The following ZNF692 variants were observed in gnomAD, a reference collection of about 807,000 sequenced individuals.
The protein encoded by ZNF692 is AICAR responsive element binding protein.
In ZNF692, 41 loss-of-function variants were observed where a neutral mutation model predicts 49.0. That is an observed-to-expected ratio of 0.84 (90% CI 0.65 to 1.08). The LOEUF is 1.08. ZNF692 is among the 50% of genes least tolerant of loss of function. The pLI, the probability that ZNF692 is intolerant of heterozygous loss-of-function variation, is 0.00. For synonymous variants in ZNF692, 288 were observed against 251.5 expected, an observed-to-expected ratio of 1.15 and a Z score of -1.37; for missense variants, 662 against 662.2, an observed-to-expected ratio of 1.00 and a Z score of 0.00.
chr1:248,850,896 G>T, intron 10 of ZNF692, 115 bp from the exon 11 acceptor site: 1 of 910,078 alleles, frequency 1.1e-6, no homozygotes, highest in Non-Finnish European at 1.8e-6. Flanking sequence ...AGGAGGCTCA[G>T]GTTCTAATTA....
Position 248,850,763 on chromosome 1 carries a change from C to A in ZNF692, c.1172G>T (p.Cys391Phe), listed in dbSNP as rs748587754. 2.2e-5 allele frequency: 35 copies of A among 1,614,102 alleles called. No homozygotes were observed. The Admixed American group carries it at 5.8e-4, about 27-fold the overall frequency. The part of the protein sequence containing the change: ...KLHSDTRDYI[C>F]EFCARSFRTS... ...GCGGAAAGACCGGGCGCAGAACTCA[C>A]AGATGTAGTCCCGGGTGTCTGCAGG... Residue 391 changes from cysteine to phenylalanine, a missense_variant, in exon 11 of 12, where the codon TGT becomes TTT. Coordinates refer to ENST00000306601, the MANE Select transcript of ZNF692 (RefSeq NM_017865.4).
At chr1:248,856,085 G>C in intron 6 of ZNF692, 139 bp from the exon 7 acceptor site, 1 of 1,184,618 alleles carries the variant, frequency 8.4e-7, no homozygotes, top group Non-Finnish European at 1.2e-6. Flanking sequence ...ATTCATATCT[G>C]CTTTCAGCCC....
At chr1:248,856,657 T>G in intron 4 of ZNF692, 95 bp from the exon 5 acceptor site, 1 of 1,140,336 alleles carries the variant, frequency 8.8e-7, no homozygotes, top group South Asian at 1.5e-5. Flanking sequence ...GAGACTCCTC[T>G]TTTTTTTTTA....
rs776260687 is a variant in ZNF692 at position 248,855,457 on chromosome 1, T to A, written c.961A>T (p.Lys321Ter). The stretch of plus-strand genomic sequence containing the variant: ...GGCATCAGCTCTCTTTTGGCAGCTT[T>A]CCTGAGGAGAAGAATGGAAAGGAGC... Reference protein sequence around the residue: ...TAQIGPKRIRKAAKRELMPCD... With the variant: ...TAQIGPKRIR Residue 321 changes from lysine to a stop codon, truncating the protein, a stop_gained and splice_region_variant, in exon 9 of 12, where the codon AAA (lysine) becomes TAA (stop). Transcript: ENST00000306601. LOFTEE classifies it high-confidence loss of function. The A allele has an allele frequency of 1.9e-6, 3 of 1,614,174 alleles. No homozygotes were observed.
chr1:248,850,802 C>T (rs1158371122), intron 10 of ZNF692, 21 bp from the exon 11 acceptor site: 1 of 1,610,768 alleles, frequency 6.2e-7, no homozygotes, highest in Non-Finnish European at 8.5e-7. Flanking sequence ...ATGAGGGACA[C>T]TCCAGCATCT....
chr1:248,850,330 C>T lies in ZNF692; in HGVS notation c.1440G>A (p.Glu480=). 1 of 1,613,966 alleles carries T rather than the reference C, an allele frequency of 6.2e-7. No individual in the cohort carries two copies. The highest frequency in any genetic ancestry group is 8.5e-7 in the Non-Finnish European group (1 of 1,179,982). ...AGGGCTCTAGGGGACCACTGGGTGA[C>T]TCTTGAGGGGCTAGAAGCAGGGCTG... ...SHPALLLAPQ[E]SPSGPLEPCP... is the part of the protein sequence containing the mutation. The change falls in exon 12 of 12, where the codon GAG becomes GAA. Residue 480 remains glutamate (E), a synonymous_variant. Transcript: ENST00000306601.
intron 10 of ZNF692, 66 bp downstream of exon 10, chr1:248,853,871 A>C: frequency 3.8e-6 from 5 of 1,299,830 alleles, no homozygotes; most frequent in Non-Finnish European, 5.5e-6. Flanking sequence ...CACAGAGCCC[A>C]GGGTGACGGG....
At position 248,858,459 on chromosome 1, in the gene ZNF692, G is replaced by A. The variant is rs921854066; in HGVS notation, c.-12-138C>T. On this transcript the variant is annotated intron_variant, in intron 1 of 11. Coordinates refer to ENST00000306601, the MANE Select transcript of ZNF692 (RefSeq NM_017865.4). The surrounding 1 kb of genome is among the most constrained non-coding windows in gnomAD (Gnocchi z 4.3). ...AACTATTTCAATAGCAGTGGCAGGT[G>A]TGGAGCCAAACCCCGTCCTTCTATG... is the stretch of plus-strand genomic sequence containing the variant. The A allele has an allele frequency of 1.9e-6, 3 of 1,551,666 alleles. No individual in the cohort carries two copies. Among genetic ancestry groups the A allele is most frequent in the Non-Finnish European group, 2.6e-6 (3 of 1,146,914 alleles).
At chr1:248,855,697 G>C in intron 7 of ZNF692, 28 bp downstream of exon 7, 1 of 1,614,140 alleles carries the variant, frequency 6.2e-7, no homozygotes, top group Non-Finnish European at 8.5e-7. Flanking sequence ...GGACGCCCCT[G>C]CCCTTTCTGT....
chr1:248,855,342 C>G (rs765822120), intron 9 of ZNF692, 38 bp downstream of exon 9: 1 of 1,607,404 alleles, frequency 6.2e-7, no homozygotes, highest in African/African-American at 1.3e-5. Context: ...CTTTCCCCCA[C>G]CCCAGCAGCC....
chr1:248,858,039 G>A lies in ZNF692; in HGVS notation c.179+92C>T. 1.9e-6 allele frequency: 3 copies of A among 1,547,644 alleles called. No homozygotes were observed. The highest frequency in any genetic ancestry group is 2.6e-6 in the Non-Finnish European group (3 of 1,152,142). On this transcript the variant is annotated intron_variant, in intron 2 of 11. Transcript: ENST00000306601. This position sits in a 1 kb window ranked among gnomAD's most constrained non-coding sequence, Gnocchi z 4.3. ...CGTCCTGGTAAAGTGAGAAACCTGAGGGTGGAAAAGAGCAGCAGGACAGGC... is the reference window on the plus strand; with the variant it reads ...CGTCCTGGTAAAGTGAGAAACCTGAAGGTGGAAAAGAGCAGCAGGACAGGC...
intron 3 of ZNF692, 129 bp downstream of exon 3, chr1:248,857,699 C>T (rs1433187567): frequency 1.3e-6 from 2 of 1,495,624 alleles, no homozygotes; most frequent in Non-Finnish European, 1.8e-6. Context: ...CATCAAACTA[C>T]CCTGTGCTCC....
At chr1:248,853,874 G>A (rs1057173170) in intron 10 of ZNF692, 63 bp downstream of exon 10, 1 of 1,333,538 alleles carries the variant, frequency 7.5e-7, no homozygotes, top group Non-Finnish European at 1.1e-6. Context: ...AGAGCCCAGG[G>A]TGACGGGACC....
At position 248,855,799 on chromosome 1, in the gene ZNF692, T is replaced by C. The variant is rs551986367; in HGVS notation, c.807A>G (p.Pro269=). ...GTGGCTGCACCCTGACTTCTGCAGG[T>C]GGAGGAGCTCTGGAACTCAATGAGG... is the stretch of plus-strand genomic sequence containing the variant. ...SASSLSSRAP[P]PAEVRVQPQL... The change falls in exon 7 of 12, where the codon CCA becomes CCG. Residue 269 remains proline (P), a synonymous_variant. Coordinates refer to ENST00000306601, the MANE Select transcript of ZNF692 (RefSeq NM_017865.4). The C allele has an allele frequency of 1.9e-6, 3 of 1,614,130 alleles. No homozygotes were observed. Among genetic ancestry groups the C allele is most frequent in the East Asian group, 2.2e-5 (1 of 44,880 alleles).
At position 248,858,138 on chromosome 1, in the gene ZNF692, A is replaced by T; in HGVS notation, c.172T>A (p.Leu58Met). Residue 58 changes from leucine (L) to methionine (M), a missense_variant, in exon 2 of 12, where the codon TTG becomes ATG. Physicochemically the swap from Leu to Met is conservative, Grantham distance 15 (BLOSUM62 2). Coordinates refer to ENST00000306601, the MANE Select transcript of ZNF692 (RefSeq NM_017865.4). This position sits in a 1 kb window ranked among gnomAD's most constrained non-coding sequence, Gnocchi z 4.3. The part of the protein sequence containing the change: ...SLHSQLAKFL[L>M]DRYTSSGCVL... The stretch of plus-strand genomic sequence containing the variant: ...CTTCTCCCGGCCCCTAACCGGTCCA[A>T]CAGGAACTTGGCGAGCTGCGAGTGC... The T allele has an allele frequency of 1.3e-6, 2 of 1,567,672 alleles. No homozygotes were observed. The highest frequency in any genetic ancestry group is 1.7e-6 in the Non-Finnish European group (2 of 1,159,092).
intron 10 of ZNF692, among the ~76,000 whole-genome samples, chr1:248,852,262 T>G (rs2103043747): frequency 6.6e-6 from 1 of 152,272 alleles, no homozygotes; most frequent in South Asian, 2.1e-4. Context: ...ACCCCCAGCC[T>G]ACTAGCCTTA....
rs1470058264 is a variant in ZNF692 at position 248,854,953 on chromosome 1, C to A, written c.1038+427G>T. Among the ~76,000 whole-genome samples, 11 of 152,154 alleles carry A rather than the reference C, an allele frequency of 7.2e-5. 1 individual carries two copies. The highest frequency in any genetic ancestry group is 7.2e-4 in the Admixed American group (11 of 15,278). ...TCCCCAGCCTTGGTACCTGCTGTGC[C>A]AAGTGCTCTGGTTGACTGTAGGGAT... On this transcript the variant is annotated intron_variant, in intron 9 of 11. Coordinates refer to ENST00000306601, the MANE Select transcript of ZNF692 (RefSeq NM_017865.4).
chr1:248,855,252 T>C (rs374769242), intron 9 of ZNF692, 128 bp downstream of exon 9: 4 of 836,986 alleles, frequency 4.8e-6, no homozygotes, highest in Non-Finnish European at 7.7e-6. Context: ...AAAGACTTTA[T>C]ACATGTCAGG....
At chr1:248,854,555 A>AACACACACACACACACACACACACAC (rs56057289) in intron 9 of ZNF692, 5,913 of 136,258 alleles carry the variant, frequency 0.043, 218 homozygotes, top group Middle Eastern at 0.081. Flanking sequence ...CTGCTTTGGA[A>AACACACACACACACACACACACACAC]ACACACACAC....
Sources: gnomAD v4.1 joint callset for allele counts (sites outside exome capture counted in the v4.1 genomes callset) on GRCh38, gnomAD v4.1.1 for gene constraint, Gnocchi (gnomAD v3.1) non-coding constraint, MANE v1.5 for transcripts, NCBI Gene and HGNC (gene_info 2026-07-23, HGNC 2026-07-21) for gene names.